Variants in GRIK1 observed in about 807,000 individuals in gnomAD.
GRIK1 encodes the protein glutamate ionotropic receptor kainate type subunit 1, also known as glutamate receptor ionotropic, kainate 1.
GRIK1 carries 69 observed loss-of-function variants against 105.7 expected under a neutral mutation model. The observed-to-expected ratio is 0.65, with a 90% CI of 0.54 to 0.80. The LOEUF (loss-of-function observed/expected upper bound fraction) is 0.80, where lower values mean the gene tolerates loss of function less well. Among genes scored for constraint, GRIK1 ranks in the 30% least tolerant of loss-of-function variants. GRIK1 has a pLI of 0.00. For missense variants in GRIK1, 1,109 were observed against 1,167.3 expected, an observed-to-expected ratio of 0.95 and a Z score of 0.73; for synonymous variants, 438 against 431.3, an observed-to-expected ratio of 1.02 and a Z score of -0.19.
At chr21:29,712,549 A>T (rs1298405182) in intron 1 of GRIK1, among the ~76,000 whole-genome samples, 3 of 152,016 alleles carry the variant, frequency 2.0e-5, no homozygotes, top group Non-Finnish European at 4.4e-5. Context: ...TATTGTAAAT[A>T]AAAAAAATCA....
At chr21:29,681,081 C>G (rs1165466149) in intron 3 of GRIK1, among the ~76,000 whole-genome samples, 2 of 152,200 alleles carry the variant, frequency 1.3e-5, no homozygotes, top group African/African-American at 4.8e-5. Flanking sequence ...TGCAGTGAGC[C>G]GAGATCGCAC....
chr21:29,630,620 A>G, intron 7 of GRIK1: 1 of 471,154 alleles, frequency 2.1e-6, no homozygotes, highest in Non-Finnish European at 4.4e-6. Flanking sequence ...TGAACCTAGA[A>G]TGAGACTGCA....
At chr21:29,741,057 G>C (rs1344424202) in intron 1 of GRIK1, among the ~76,000 whole-genome samples, 1 of 152,220 alleles carries the variant, frequency 6.6e-6, no homozygotes, top group Non-Finnish European at 1.5e-5. Context: ...TCAATCCTCA[G>C]ACACCTGGTT....
chr21:29,659,726 C>T (rs1337095535), intron 4 of GRIK1, among the ~76,000 whole-genome samples: 4 of 152,106 alleles, frequency 2.6e-5, no homozygotes, highest in African/African-American at 7.2e-5. Context: ...TTTGGGAGGC[C>T]GAGTTGGACG....
At chr21:29,907,135 TTTTTTG>T (rs1569208596) in intron 1 of GRIK1, among the ~76,000 whole-genome samples, 3 of 152,140 alleles carry the variant, frequency 2.0e-5, no homozygotes, top group East Asian at 3.9e-4. Flanking sequence ...CATTGCTGCT[TTTTTTG>T]TTTTTGTTTT....
At chr21:29,634,108 A>C (rs2008728) in intron 7 of GRIK1, among the ~76,000 whole-genome samples, 1 of 151,622 alleles carries the variant, frequency 6.6e-6, no homozygotes, top group African/African-American at 2.4e-5. Context: ...AAAATCAGCC[A>C]ACCAACCAAC....
intron 10 of GRIK1, 152 bp from the exon 11 acceptor site, chr21:29,589,194 T>C (rs1199010836): frequency 1.7e-6 from 1 of 605,062 alleles, no homozygotes; most frequent in African/African-American, 1.9e-5. Context: ...ATGTCCTCTA[T>C]AAATACAAAA....
At chr21:29,655,052 A>G (rs890940600) in intron 4 of GRIK1, among the ~76,000 whole-genome samples, 189 bp from the exon 5 acceptor site, 3 of 152,244 alleles carry the variant, frequency 2.0e-5, no homozygotes, top group African/African-American at 7.2e-5. Flanking sequence ...ACCTCCAGCC[A>G]ACACTATTTC....
intron 7 of GRIK1, among the ~76,000 whole-genome samples, chr21:29,609,535 G>T (rs928074102): frequency 1.3e-5 from 2 of 152,168 alleles, no homozygotes; most frequent in Non-Finnish European, 2.9e-5. Context: ...TTTGAATTGG[G>T]GGGCCCAATA....
intron 4 of GRIK1, among the ~76,000 whole-genome samples, chr21:29,657,165 A>G (rs1211557667): frequency 6.6e-6 from 1 of 152,224 alleles, no homozygotes; most frequent in African/African-American, 2.4e-5. Flanking sequence ...CTTGAAAGGG[A>G]ACTGGGCAGG....
chr21:29,742,624 T>C (rs1039882322), intron 1 of GRIK1, among the ~76,000 whole-genome samples: 1 of 152,258 alleles, frequency 6.6e-6, no homozygotes, highest in Middle Eastern at 3.2e-3. Flanking sequence ...TTTTGCCATG[T>C]GATGTTTTAA....
chr21:29,854,109 G>A (rs2068388074), intron 1 of GRIK1, among the ~76,000 whole-genome samples: 1 of 152,148 alleles, frequency 6.6e-6, no homozygotes, highest in Admixed American at 6.5e-5. Flanking sequence ...GGCTGTACAA[G>A]AAGCATGATG....
In GRIK1 at chr21:29,565,495, C is replaced by T. The variant is rs779169749; in HGVS notation, c.2131-3646G>A. On this transcript the variant is annotated intron_variant, in intron 14 of 17. Coordinates refer to ENST00000327783, the MANE Select transcript of GRIK1 (RefSeq NM_001330994.2). Reference sequence around the variant, plus strand: ...TTCCCCAGGTTAGAGTGCAATGGCACGATCTCGGCTCACTACAACCTCTGA... The same window carrying T: ...TTCCCCAGGTTAGAGTGCAATGGCATGATCTCGGCTCACTACAACCTCTGA... Among the ~76,000 whole-genome samples, 43 of 152,216 alleles carry T rather than the reference C, an allele frequency of 2.8e-4. 1 individual carries two copies. The highest frequency in any genetic ancestry group is 4.8e-4 in the Non-Finnish European group (33 of 68,042).
intron 1 of GRIK1, among the ~76,000 whole-genome samples, chr21:29,887,837 G>A (rs974787897): frequency 1.3e-5 from 2 of 151,920 alleles, no homozygotes; most frequent in African/African-American, 2.4e-5. Flanking sequence ...ATATCTCATT[G>A]CCCAGAGCTG....
At chr21:29,904,924 G>A (rs1195490741) in intron 1 of GRIK1, among the ~76,000 whole-genome samples, 1 of 152,158 alleles carries the variant, frequency 6.6e-6, no homozygotes, top group Non-Finnish European at 1.5e-5. Flanking sequence ...GCCACACTCT[G>A]GGTTAACCGA....
At chr21:29,749,915 T>C (rs1325034333) in intron 1 of GRIK1, among the ~76,000 whole-genome samples, 3 of 152,178 alleles carry the variant, frequency 2.0e-5, no homozygotes, top group African/African-American at 7.2e-5. Flanking sequence ...TAAATTTCTA[T>C]TTAATATCAA....
chr21:29,550,076 C>G (rs1601083633), intron 16 of GRIK1, among the ~76,000 whole-genome samples: 1 of 125,586 alleles, frequency 8.0e-6, no homozygotes, highest in East Asian at 2.5e-4. Context: ...TGACTGCACT[C>G]CAGCCTGGGC....
At chr21:29,856,005 A>G (rs2068452352) in intron 1 of GRIK1, among the ~76,000 whole-genome samples, 1 of 152,224 alleles carries the variant, frequency 6.6e-6, no homozygotes, top group Non-Finnish European at 1.5e-5. Flanking sequence ...CAAGAGCTTA[A>G]TCTTGGAAAT....
At chr21:29,879,994 G>A (rs464500) in intron 1 of GRIK1, among the ~76,000 whole-genome samples, 48,978 of 151,932 alleles carry the variant, frequency 0.32, 9,519 homozygotes, top group African/African-American at 0.54. Context: ...TACAGTAATA[G>A]TTCCCTGAAG....
Sources: allele counts gnomAD v4.1 joint callset (sites outside exome capture counted in the v4.1 genomes callset), GRCh38; gene constraint gnomAD v4.1.1; transcripts MANE v1.5; gene names NCBI Gene and HGNC (gene_info 2026-07-23, HGNC 2026-07-21).